PDS5B: variants seen among roughly 807,000 people sequenced by gnomAD.
PDS5B encodes PDS5 cohesin associated factor B, also known as sister chromatid cohesion protein PDS5 homolog B.
A neutral mutation model predicts 184.1 loss-of-function variants in PDS5B; 51 were observed. That is an observed-to-expected ratio of 0.28 (90% CI 0.22 to 0.35). The LOEUF (loss-of-function observed/expected upper bound fraction) is 0.35, where lower values mean the gene tolerates loss of function less well. Among genes scored for constraint, PDS5B ranks in the 10% least tolerant of loss-of-function variants. The probability of loss-of-function intolerance (pLI) is 1.00; values close to 1 mark genes in which losing one functional copy is unlikely to be tolerated. For missense variants in PDS5B, 1,180 were observed against 1,723.3 expected (o/e 0.68, Z 5.58); for synonymous variants, 566 against 569.2 (o/e 0.99, Z 0.08).
chr13:32,661,294 GA>G (rs1950635048), intron 6 of PDS5B, among the ~76,000 whole-genome samples: 1 of 136,546 alleles, frequency 7.3e-6, no homozygotes, highest in Non-Finnish European at 1.5e-5. Flanking sequence ...TGAGGCAGGA[GA>G]ATTGCTTGAA....
chr13:32,753,499 A>G lies in PDS5B; in HGVS notation c.2904A>G (p.Val968=). The G allele has an allele frequency of 6.2e-7, 1 of 1,613,720 alleles. No individual in the cohort carries two copies. The highest frequency in any genetic ancestry group is 1.1e-5 in the South Asian group (1 of 91,058). The change falls in exon 25 of 35, where the codon GTA becomes GTG. Residue 968 remains valine, a synonymous_variant. Coordinates refer to ENST00000315596, the MANE Select transcript of PDS5B (RefSeq NM_015032.4). ...ARQCLVKNIN[V]RREYLKQHAA... ...AATGTTTGGTGAAAAATATAAATGT[A>G]AGGCGGGAGTATCTGAAGCAGCATG...
chr13:32,767,875 A>C (rs1449170054), intron 31 of PDS5B, among the ~76,000 whole-genome samples: 1 of 152,230 alleles, frequency 6.6e-6, no homozygotes, highest in Non-Finnish European at 1.5e-5. Flanking sequence ...AGGAGAAATA[A>C]AGGTAGGTTC....
At chr13:32,663,111 A>G (rs1412867311) in intron 6 of PDS5B, among the ~76,000 whole-genome samples, 3 of 152,304 alleles carry the variant, frequency 2.0e-5, no homozygotes, top group Admixed American at 6.5e-5. Context: ...TCAAACAACA[A>G]TAGCAACGAT....
At chr13:32,702,968 C>T (rs1453678701) in intron 17 of PDS5B, among the ~76,000 whole-genome samples, 1 of 152,008 alleles carries the variant, frequency 6.6e-6, no homozygotes, top group Non-Finnish European at 1.5e-5. Flanking sequence ...AATTTTAAAA[C>T]AACAACCTAA....
rs536294778 is a variant in PDS5B at position 32,716,233 on chromosome 13, C to T, written c.2123+6127C>T. On this transcript the variant is annotated intron_variant, in intron 19 of 34. Coordinates refer to ENST00000315596, the MANE Select transcript of PDS5B (RefSeq NM_015032.4). ...GAAGTGAGGAGCGCCTCTTCCCGGCCGCCATCCCATCTAGGAAGTGAGGAG... is the reference window on the plus strand; with the variant it reads ...GAAGTGAGGAGCGCCTCTTCCCGGCTGCCATCCCATCTAGGAAGTGAGGAG... Among the ~76,000 whole-genome samples the T allele has an allele frequency of 4.0e-5, 6 of 151,028 alleles. No homozygotes were observed. The South Asian group carries it at 6.3e-4, about 16-fold the overall frequency.
chr13:32,758,382 A>C, intron 27 of PDS5B, 152 bp from the exon 28 acceptor site: 1 of 927,122 alleles, frequency 1.1e-6, no homozygotes, highest in Non-Finnish European at 1.6e-6. Context: ...GTAAATGAGC[A>C]AAACCAGTAG....
At chr13:32,711,360 C>G (rs867238509) in intron 19 of PDS5B, among the ~76,000 whole-genome samples, 2 of 151,572 alleles carry the variant, frequency 1.3e-5, no homozygotes, top group Non-Finnish European at 2.9e-5. Flanking sequence ...AGTAAGAAAC[C>G]TTATTATTTG....
chr13:32,650,917 G>T (rs1200732152), intron 2 of PDS5B, among the ~76,000 whole-genome samples: 2 of 152,192 alleles, frequency 1.3e-5, no homozygotes, highest in East Asian at 3.9e-4. Flanking sequence ...TTGTTGCCTA[G>T]TATTTGCAGC....
In PDS5B at chr13:32,777,036, T is replaced by A. The variant is rs1232212043; in HGVS notation, c.*1984T>A. 6.6e-6 allele frequency: 1 copy of A among 152,280 alleles called. No individual in the cohort carries two copies. The highest frequency in any genetic ancestry group is 2.4e-5 in the African/African-American group (1 of 41,450). The allele number at this position is 152,280 out of a possible 1,614,324, so 9.4% of individuals were successfully genotyped here. Reference sequence around the variant, plus strand: ...TTTCTGTTTCAGCAGTACAAAGGCATGTTTTAAAATCTATAACATAAAGAA... The same window carrying A: ...TTTCTGTTTCAGCAGTACAAAGGCAAGTTTTAAAATCTATAACATAAAGAA... On this transcript the variant is annotated 3_prime_UTR_variant, in exon 35 of 35. Coordinates refer to ENST00000315596, the MANE Select transcript of PDS5B (RefSeq NM_015032.4).
Position 32,777,901 on chromosome 13 carries a change from C to T in PDS5B, c.*2849C>T, listed in dbSNP as rs569980595. The T allele has an allele frequency of 1.3e-4, 20 of 152,522 alleles. No individual in the cohort carries two copies. Among genetic ancestry groups the T allele is most frequent in the African/African-American group, 4.6e-4 (19 of 41,558 alleles). 9.4% of individuals were successfully genotyped at this position (152,522 alleles called of 1,614,324 possible). On this transcript the variant is annotated 3_prime_UTR_variant, in exon 35 of 35. Coordinates refer to ENST00000315596, the MANE Select transcript of PDS5B (RefSeq NM_015032.4). The stretch of plus-strand genomic sequence containing the variant: ...AATTTAAGAATTTGTTTAAATTAGG[C>T]ATATCTCTGCCATCACATAGTATTA...
intron 10 of PDS5B, among the ~76,000 whole-genome samples, chr13:32,681,532 G>A (rs575972940): frequency 6.6e-6 from 1 of 152,062 alleles, no homozygotes; most frequent in East Asian, 1.9e-4. Flanking sequence ...GCTGAGACAG[G>A]AGAATTGCTT....
At chr13:32,586,990 C>CCCGCCGCCG (rs541950918) in intron 1 of PDS5B, among the ~76,000 whole-genome samples, 14 of 140,804 alleles carry the variant, frequency 9.9e-5, no homozygotes, top group Admixed American at 2.8e-4. Flanking sequence ...CCCGCGCCCT[C>CCCGCCGCCG]CCGCCGCCGC....
chr13:32,715,258 C>T (rs1386261208), intron 19 of PDS5B, among the ~76,000 whole-genome samples: 1 of 152,182 alleles, frequency 6.6e-6, no homozygotes, highest in East Asian at 1.9e-4. Flanking sequence ...GCAGCCCTAG[C>T]TACTTTTAAG....
intron 1 of PDS5B, among the ~76,000 whole-genome samples, chr13:32,598,894 C>T (rs2057925262): frequency 6.6e-6 from 1 of 151,390 alleles, no homozygotes; most frequent in Non-Finnish European, 1.5e-5. Flanking sequence ...CCTCAGCCTT[C>T]CAAGTAGCTG....
At chr13:32,763,843 G>A (rs1199706072) in intron 30 of PDS5B, among the ~76,000 whole-genome samples, 1 of 152,138 alleles carries the variant, frequency 6.6e-6, no homozygotes, top group Non-Finnish European at 1.5e-5. Context: ...TAGACAATTG[G>A]ATATGTGAGT....
chr13:32,602,367 A>G (rs1010071922), intron 1 of PDS5B, among the ~76,000 whole-genome samples: 2 of 152,090 alleles, frequency 1.3e-5, no homozygotes, highest in Admixed American at 6.5e-5. Flanking sequence ...CTGGCCTTGC[A>G]ATAGTTTGCT....
intron 31 of PDS5B, among the ~76,000 whole-genome samples, chr13:32,769,562 C>T (rs1478765302): frequency 2.6e-5 from 4 of 152,048 alleles, no homozygotes; most frequent in Non-Finnish European, 4.4e-5. Context: ...TTAGTTATAC[C>T]TAGAAAGAAG....
chr13:32,740,954 A>T, intron 21 of PDS5B, 126 bp from the exon 22 acceptor site: 1 of 612,450 alleles, frequency 1.6e-6, no homozygotes, highest in Non-Finnish European at 2.9e-6. Context: ...GAAGTACTTT[A>T]GTCATATATA....
chr13:32,612,198 C>T (rs370106114), intron 1 of PDS5B, among the ~76,000 whole-genome samples: 4 of 151,910 alleles, frequency 2.6e-5, no homozygotes, highest in African/African-American at 9.7e-5. Context: ...TGGTATATGC[C>T]TTTATTATAG....
Sources: gnomAD v4.1 joint callset for allele counts (sites outside exome capture counted in the v4.1 genomes callset) on GRCh38, gnomAD v4.1.1 for gene constraint, MANE v1.5 for transcripts, NCBI Gene and HGNC (gene_info 2026-07-23, HGNC 2026-07-21) for gene names.